The following PTCHD4 variants were observed in gnomAD, a reference collection of about 807,000 sequenced individuals.
PTCHD4 encodes patched domain containing 4, also known as patched domain-containing protein 4.
A neutral mutation model predicts 58.1 loss-of-function variants in PTCHD4; 33 were observed. The ratio of observed to expected loss-of-function variants is 0.57; its 90% confidence interval spans 0.43 to 0.76. The LOEUF (loss-of-function observed/expected upper bound fraction) is 0.76. Among genes scored for constraint, PTCHD4 ranks in the 30% least tolerant of loss-of-function variants. The pLI is 0.00. For missense variants in PTCHD4, 1,058 were observed against 1,027.1 expected (o/e 1.03, Z -0.41); for synonymous variants, 478 against 409.6 (o/e 1.17, Z -2.02).
At chr6:47,943,698 T>C (rs1299016729) in intron 4 of PTCHD4, among the ~76,000 whole-genome samples, 2 of 152,034 alleles carry the variant, frequency 1.3e-5, no homozygotes, top group Non-Finnish European at 2.9e-5. Context: ...AACTTTCAGC[T>C]GCAAATACAG....
At chr6:47,983,892 C>T (rs1767974703) in intron 4 of PTCHD4, among the ~76,000 whole-genome samples, 1 of 152,016 alleles carries the variant, frequency 6.6e-6, no homozygotes, top group South Asian at 2.1e-4. Flanking sequence ...TGGTATTTAA[C>T]CCAATCTTAT....
At chr6:47,912,583 TC>T (rs1697172749) in intron 4 of PTCHD4, among the ~76,000 whole-genome samples, 1 of 152,168 alleles carries the variant, frequency 6.6e-6, no homozygotes, top group Admixed American at 6.6e-5. Flanking sequence ...ACTATTACCT[TC>T]CTTCATACCT....
chr6:47,879,270 T>C lies in PTCHD4; in HGVS notation c.1565A>G (p.Glu522Gly). 6.2e-7 allele frequency: 1 copy of C among 1,612,650 alleles called. No homozygotes were observed. The highest frequency in any genetic ancestry group is 8.5e-7 in the Non-Finnish European group (1 of 1,179,360). The change falls in exon 5 of 5, where the codon GAG (glutamate) becomes GGG (glycine). Residue 522 changes from glutamate to glycine, a missense_variant. Physicochemically the swap from Glu to Gly is moderately conservative, Grantham distance 98 (BLOSUM62 -2). Coordinates refer to ENST00000339488, the MANE Select transcript of PTCHD4 (RefSeq NM_001384253.1). ...GCTGCTGTTCCAGTACTCTAGGGGC[T>C]CATAGACGTAGAATCCTATCACAGG... ...YSPVIGFYVY[E>G]PLEYWNSSVQ...
chr6:47,920,197 C>T (rs1463378342), intron 4 of PTCHD4, among the ~76,000 whole-genome samples: 1 of 152,044 alleles, frequency 6.6e-6, no homozygotes, highest in African/African-American at 2.4e-5. Context: ...ACCAAAGGTA[C>T]CACAGGACAT....
intron 4 of PTCHD4, among the ~76,000 whole-genome samples, chr6:47,992,431 T>C (rs1246683932): frequency 1.3e-5 from 2 of 151,942 alleles, no homozygotes; most frequent in Non-Finnish European, 2.9e-5. Context: ...AGGGAGGGAG[T>C]TGTAATTAAG....
rs1295001495 is a variant in PTCHD4, at chr6:47,879,251, G to A, written c.1584C>T (p.Asn528=). ...FYVYEPLEYW[N]SSVQDDLRRL... ...TTCTTAGGTCATCCTGGACGCTGCT[G>A]TTCCAGTACTCTAGGGGCTCATAGA... Residue 528 remains asparagine (N), a synonymous_variant, in exon 5 of 5, where the codon AAC becomes AAT. Transcript: ENST00000339488. 1 of 1,612,830 alleles carries A rather than the reference G, an allele frequency of 6.2e-7. No individual in the cohort carries two copies.
In PTCHD4 at chr6:47,857,549, C is replaced by T. The variant is rs751424255; in HGVS notation, c.*20754G>A. Among the ~76,000 whole-genome samples, 14 of 151,976 alleles carry T rather than the reference C, an allele frequency of 9.2e-5. No homozygotes were observed. The highest frequency in any genetic ancestry group is 1.9e-4 in the Non-Finnish European group (13 of 67,982). ...GTAGTCACAGGTGATATCTACATTT[C>T]TTTATTGCATTCTGATTTTTTCAAT... On this transcript the variant is annotated 3_prime_UTR_variant, in exon 5 of 5. Coordinates refer to ENST00000339488, the MANE Select transcript of PTCHD4 (RefSeq NM_001384253.1).
chr6:48,093,225 C>A (rs972749381), intron 1 of PTCHD4, among the ~76,000 whole-genome samples: 1 of 152,124 alleles, frequency 6.6e-6, no homozygotes, highest in Admixed American at 6.5e-5. Context: ...ATAAAAGGAA[C>A]TTCAGAGATC....
chr6:47,984,632 T>C (rs1767996438), intron 4 of PTCHD4, among the ~76,000 whole-genome samples: 1 of 152,098 alleles, frequency 6.6e-6, no homozygotes, highest in South Asian at 2.1e-4. Context: ...CTCTATTTCA[T>C]ATAAAGGTTC....
intron 4 of PTCHD4, among the ~76,000 whole-genome samples, chr6:48,002,313 T>C (rs1768760364): frequency 6.6e-6 from 1 of 152,116 alleles, no homozygotes; most frequent in African/African-American, 2.4e-5. Flanking sequence ...GACGCACACA[T>C]GTTTATTGTG....
At chr6:47,958,796 G>A (rs1402615245) in intron 4 of PTCHD4, among the ~76,000 whole-genome samples, 1 of 152,206 alleles carries the variant, frequency 6.6e-6, no homozygotes, top group East Asian at 1.9e-4. Flanking sequence ...GCATGGAATA[G>A]TGTCTGCTAC....
intron 4 of PTCHD4, among the ~76,000 whole-genome samples, chr6:47,971,090 C>G (rs1336728068): frequency 1.3e-5 from 2 of 152,038 alleles, no homozygotes; most frequent in African/African-American, 2.4e-5. Flanking sequence ...ATACCAGACA[C>G]CAAGGGATCA....
Position 48,022,345 on chromosome 6 carries a change from A to T in PTCHD4, c.418-13231T>A, listed in dbSNP as rs149474988. ...TATGTCAGTAAAATACTAGATAAAG[A>T]ATACAACACTTGCTTAAGTCCATTT... is the stretch of plus-strand genomic sequence containing the variant. On this transcript the variant is annotated intron_variant, in intron 3 of 4. Coordinates refer to ENST00000339488, the MANE Select transcript of PTCHD4 (RefSeq NM_001384253.1). Among the ~76,000 whole-genome samples, 878 of 152,034 alleles carry T rather than the reference A, an allele frequency of 5.8e-3. 7 individuals carry two copies. Among genetic ancestry groups the T allele is most frequent in the African/African-American group, 0.018 (765 of 41,490 alleles).
chr6:47,904,545 G>A (rs759199683), intron 4 of PTCHD4, among the ~76,000 whole-genome samples: 41 of 152,156 alleles, frequency 2.7e-4, no homozygotes, highest in Non-Finnish European at 1.2e-4. Context: ...CTCTGACTTA[G>A]AATCTCCTGG....
chr6:48,013,208 C>T (rs1394211359), intron 3 of PTCHD4, among the ~76,000 whole-genome samples: 1 of 151,994 alleles, frequency 6.6e-6, no homozygotes, highest in African/African-American at 2.4e-5. Context: ...TGGTCCTGGG[C>T]TTTTTTGTTG....
intron 4 of PTCHD4, among the ~76,000 whole-genome samples, chr6:47,905,689 T>C (rs11751810): frequency 0.66 from 100,642 of 152,110 alleles, 33,612 homozygotes; most frequent in East Asian, 0.78. Flanking sequence ...CCAATGTGCA[T>C]AATACATCAA....
intron 1 of PTCHD4, among the ~76,000 whole-genome samples, chr6:48,095,732 C>CAA (rs112185985): frequency 0.16 from 20,009 of 124,638 alleles, 1,428 homozygotes; most frequent in African/African-American, 0.21. Flanking sequence ...CAAAAGGAAC[C>CAA]AAAAAAAAAA....
In PTCHD4 at chr6:47,863,085, T is replaced by C. The variant is rs1266263872; in HGVS notation, c.*15218A>G. On this transcript the variant is annotated 3_prime_UTR_variant, in exon 5 of 5. Transcript: ENST00000339488. Reference sequence around the variant, plus strand: ...ATCTTCAAATTCTCTGGGCATTCATTGTACTTAACTTTTTACTTAAGAGTT... The same window carrying C: ...ATCTTCAAATTCTCTGGGCATTCATCGTACTTAACTTTTTACTTAAGAGTT... 6.6e-6 allele frequency among the ~76,000 whole-genome samples: 1 copy of C among 151,872 alleles called. No homozygotes were observed. The highest frequency in any genetic ancestry group is 1.5e-5 in the Non-Finnish European group (1 of 67,868).
chr6:48,009,776 T>A (rs909835024), intron 3 of PTCHD4, among the ~76,000 whole-genome samples: 1 of 152,226 alleles, frequency 6.6e-6, no homozygotes, highest in African/African-American at 2.4e-5. Flanking sequence ...AACACCTGCC[T>A]CAGACATAGG....
Sources: gnomAD v4.1 joint callset for allele counts (sites outside exome capture counted in the v4.1 genomes callset) on GRCh38, gnomAD v4.1.1 for gene constraint, MANE v1.5 for transcripts, NCBI Gene and HGNC (gene_info 2026-07-23, HGNC 2026-07-21) for gene names.